The following CDYL variants were observed in gnomAD, a reference collection of about 807,000 sequenced individuals.
The protein encoded by CDYL is chromodomain Y like.
Under a neutral mutation model 47.3 loss-of-function variants are expected in CDYL, and 8 were observed. The observed-to-expected ratio is 0.17, with a 90% CI of 0.10 to 0.31. The LOEUF is 0.31. Ranked by LOEUF, CDYL falls within the 10% of genes least tolerant of loss-of-function variation. The probability of loss-of-function intolerance (pLI) is 1.00; values close to 1 mark genes in which losing one functional copy is unlikely to be tolerated. For missense variants in CDYL, 471 were observed against 701.4 expected (o/e 0.67, Z 3.71); for synonymous variants, 266 against 265.0 (o/e 1.00, Z -0.04).
intron 3 of CDYL, among the ~76,000 whole-genome samples, chr6:4,748,601 TA>T (rs1386088772): frequency 6.8e-6 from 1 of 148,058 alleles, no homozygotes; most frequent in African/African-American, 2.5e-5. Context: ...GCGTGGGAGG[TA>T]TGGGGACCAG....
chr6:4,736,300 G>T (rs981519944), intron 3 of CDYL, among the ~76,000 whole-genome samples: 1 of 152,180 alleles, frequency 6.6e-6, no homozygotes, highest in Non-Finnish European at 1.5e-5. Context: ...ATGAAAACAC[G>T]TGTGCTTTCT....
intron 2 of CDYL, among the ~76,000 whole-genome samples, chr6:4,717,393 G>C (rs1338128342): frequency 1.3e-5 from 2 of 152,068 alleles, no homozygotes; most frequent in African/African-American, 4.8e-5. Flanking sequence ...CTTCCGCTTA[G>C]GCAAAATTGC....
rs755584554 is a variant in CDYL at position 4,831,951 on chromosome 6, C to CT, written c.24+55146dup. On this transcript the variant is annotated intron_variant, in intron 1 of 6. Transcript: ENST00000397588. ...GTATCCTGAGACTTTGCTGAAGTTG[C>CT]TTATCAGCTTAAGGAGATTTTGGGC... Among the ~76,000 whole-genome samples, 983 of 152,102 alleles carry CT rather than the reference C, an allele frequency of 6.5e-3. 8 individuals carry two copies. The highest frequency in any genetic ancestry group is 8.8e-3 in the Non-Finnish European group (595 of 67,992).
intron 1 of CDYL, among the ~76,000 whole-genome samples, chr6:4,846,206 T>C (rs1056510822): frequency 6.7e-6 from 1 of 150,118 alleles, no homozygotes; most frequent in African/African-American, 2.5e-5. Flanking sequence ...AAAAGGTGGA[T>C]ATGGCTATTT....
chr6:4,719,772 A>T (rs942450392), intron 2 of CDYL, among the ~76,000 whole-genome samples: 3 of 152,156 alleles, frequency 2.0e-5, no homozygotes, highest in African/African-American at 7.2e-5. Context: ...CTTGATCTTT[A>T]ATGAGTACCA....
intron 1 of CDYL, chr6:4,835,974 C>T (rs552236392): frequency 4.6e-5 from 7 of 152,710 alleles, no homozygotes; most frequent in African/African-American, 1.2e-4. Context: ...TTCCAGGTGC[C>T]GTCTGTCACC....
intron 2 of CDYL, among the ~76,000 whole-genome samples, chr6:4,896,145 A>G (rs1247029133): frequency 1.3e-5 from 2 of 152,182 alleles, no homozygotes; most frequent in Non-Finnish European, 2.9e-5. Context: ...CATTTTTAGG[A>G]CAGTGGTGAA....
At chr6:4,870,018 A>C (rs1370400094) in intron 1 of CDYL, among the ~76,000 whole-genome samples, 2 of 152,112 alleles carry the variant, frequency 1.3e-5, no homozygotes, top group Non-Finnish European at 2.9e-5. Context: ...ATTTGGGAAT[A>C]TCTTTATTTT....
At chr6:4,841,987 A>G (rs1206353591) in intron 1 of CDYL, among the ~76,000 whole-genome samples, 1 of 145,640 alleles carries the variant, frequency 6.9e-6, no homozygotes, top group Non-Finnish European at 1.5e-5. Flanking sequence ...TTAATAATAA[A>G]TTATTAATAT....
rs36074293 is a variant in CDYL, at chr6:4,867,772, GTT to G, written c.25-23926_25-23925del. ...ATATTGTTTTGTAGGTTGTTGTGGG[GTT>G]TTTTTTTTTTTTTTGGTAAAAAAGA... On this transcript the variant is annotated intron_variant, in intron 1 of 6. Coordinates refer to ENST00000397588, the MANE Select transcript of CDYL (RefSeq NM_004824.4). Among the ~76,000 whole-genome samples, 404 of 132,040 alleles carry G rather than the reference GTT, an allele frequency of 3.1e-3. 2 individuals carry two copies. The highest frequency in any genetic ancestry group is 0.01 in the African/African-American group (374 of 37,108). 86.6% of individuals were successfully genotyped at this position (132,040 alleles called of 152,430 possible). A position where few individuals can be genotyped will look rare whatever the true frequency, so the allele number is the denominator to read the frequency against.
At chr6:4,722,766 A>G (rs945990396) in intron 2 of CDYL, among the ~76,000 whole-genome samples, 2 of 152,144 alleles carry the variant, frequency 1.3e-5, no homozygotes, top group African/African-American at 4.8e-5. Flanking sequence ...AATCCCAGCT[A>G]CTCGGGAGGC....
intron 1 of CDYL, among the ~76,000 whole-genome samples, chr6:4,710,917 C>T (rs1757141037): frequency 6.7e-6 from 1 of 149,522 alleles, no homozygotes; most frequent in African/African-American, 2.5e-5. Flanking sequence ...GGTGTTCTCA[C>T]CACACACACA....
At chr6:4,825,401 C>T (rs1488389482) in intron 1 of CDYL, among the ~76,000 whole-genome samples, 1 of 151,942 alleles carries the variant, frequency 6.6e-6, no homozygotes, top group Non-Finnish European at 1.5e-5. Context: ...AATTTGGATG[C>T]CGTTTGTTTT....
rs200526998 is a variant in CDYL at position 4,937,695 on chromosome 6, A to G, written c.1079A>G (p.Asp360Gly). 1.2e-6 allele frequency: 2 copies of G among 1,611,400 alleles called. No homozygotes were observed. Among genetic ancestry groups the G allele is most frequent in the East Asian group, 2.2e-5 (1 of 44,880 alleles). Reference protein sequence around the residue: ...DFIYFIRRLTDDRKRESTKMA... With the variant: ...DFIYFIRRLTGDRKRESTKMA... ...ATTTATTTTATACGACGTCTGACAG[A>G]TGACAGGAAAAGAGAAAGCACTAAA... Residue 360 changes from aspartate (D) to glycine (G), a missense_variant, in exon 4 of 7, where the codon GAT becomes GGT. Asp to Gly is a moderately conservative substitution (Grantham distance 94, BLOSUM62 -1). Around this residue, in one of 3 missense-constraint regions of CDYL, gnomAD observed 103 missense variants for 277.1 expected, o/e 0.37. Transcript: ENST00000397588.
intron 1 of CDYL, among the ~76,000 whole-genome samples, chr6:4,885,511 G>A (rs989520987): frequency 1.3e-5 from 2 of 152,160 alleles, no homozygotes; most frequent in Non-Finnish European, 2.9e-5. Flanking sequence ...CATTGGCAGG[G>A]GGTCCTGGAG....
intron 1 of CDYL, among the ~76,000 whole-genome samples, chr6:4,786,957 C>T (rs1561637183): frequency 1.3e-5 from 2 of 152,296 alleles, no homozygotes; most frequent in East Asian, 3.9e-4. Flanking sequence ...ACCCTGGCTT[C>T]TGCACTTGCT....
At chr6:4,758,622 C>G (rs1420777221) in intron 3 of CDYL, among the ~76,000 whole-genome samples, 1 of 151,876 alleles carries the variant, frequency 6.6e-6, no homozygotes, top group Admixed American at 6.6e-5. Context: ...GAGATCATGC[C>G]ACTGCACTCC....
rs114617074 is a variant in CDYL at position 4,826,427 on chromosome 6, T to G, written c.24+49620T>G. On this transcript the variant is annotated intron_variant, in intron 1 of 6. Transcript: ENST00000397588. The stretch of plus-strand genomic sequence containing the variant: ...CTTTGCTCTTCTTTTTCTAGCTCCT[T>G]AAGGTGTAAAGTTAGGCTGCTGACA... Among the ~76,000 whole-genome samples, 1,166 of 152,300 alleles carry G rather than the reference T, an allele frequency of 7.7e-3. 16 individuals are homozygous for G. The highest frequency in any genetic ancestry group is 0.027 in the African/African-American group (1,125 of 41,578).
intron 1 of CDYL, among the ~76,000 whole-genome samples, chr6:4,851,665 C>T (rs76240962): frequency 0.081 from 12,292 of 152,296 alleles, 606 homozygotes; most frequent in South Asian, 0.12. Flanking sequence ...CATTCGCAGA[C>T]GCATTGCATC....
Sources: gnomAD v4.1 joint callset for allele counts (sites outside exome capture counted in the v4.1 genomes callset) on GRCh38, gnomAD v4.1.1 for gene constraint, gnomAD v4.1.1 regional missense constraint, MANE v1.5 for transcripts, NCBI Gene and HGNC (gene_info 2026-07-23, HGNC 2026-07-21) for gene names.